Variants in PRKN observed in about 807,000 individuals in gnomAD.
PRKN encodes parkin RBR E3 ubiquitin protein ligase.
PRKN carries 56 observed loss-of-function variants against 59.5 expected under a neutral mutation model. The ratio of observed to expected loss-of-function variants is 0.94; its 90% CI spans 0.76 to 1.18. PRKN has a LOEUF of 1.18. Among genes scored for constraint, PRKN ranks in the 50% most tolerant of loss-of-function variants. The probability of loss-of-function intolerance (pLI) is 0.00; values close to 1 mark genes in which losing one functional copy is unlikely to be tolerated. For missense variants in PRKN, 657 were observed against 596.4 expected (o/e 1.10, Z -1.06); for synonymous variants, 250 against 222.1 (o/e 1.13, Z -1.12).
chr6:162,667,598 T>TC (rs1779149043), intron 1 of PRKN, among the ~76,000 whole-genome samples: 1 of 152,150 alleles, frequency 6.6e-6, no homozygotes. Flanking sequence ...ATGGTAAGTA[T>TC]ATTGGTGTCC....
In PRKN at chr6:161,364,390, G is replaced by A. The variant is rs77575099; in HGVS notation, c.1168-4185C>T. On this transcript the variant is annotated intron_variant, in intron 10 of 11. Transcript: ENST00000366898. The stretch of plus-strand genomic sequence containing the variant: ...AGGAGAATCATTTGAACCGGGAGGC[G>A]GAGGTTGCAGTGAGCCGAGATCATA... Among the ~76,000 whole-genome samples the A allele has an allele frequency of 2.2e-4, 29 of 134,152 alleles. 1 individual carries two copies. The highest frequency in any genetic ancestry group is 2.1e-3 in the East Asian group (10 of 4,776). 88.0% of individuals were successfully genotyped at this position (134,152 alleles called of 152,430 possible).
chr6:161,662,966 T>C (rs1784600553), intron 7 of PRKN, among the ~76,000 whole-genome samples: 1 of 152,120 alleles, frequency 6.6e-6, no homozygotes, highest in African/African-American at 2.4e-5. Context: ...AGAAATCCGG[T>C]AGGAGGTAAG....
At position 161,488,807 on chromosome 6, in the gene PRKN, A is replaced by T. The variant is rs1033307073; in HGVS notation, c.1083+60047T>A. On this transcript the variant is annotated intron_variant, in intron 9 of 11. Transcript: ENST00000366898. This position sits in a 1 kb window ranked among gnomAD's most constrained non-coding sequence, Gnocchi z 4.5. ...GCATAACAAGGAATTTTTGACAGTG[A>T]ATCTTGACTACTAAGAGACTAGGGG... Among the ~76,000 whole-genome samples, 1 of 152,162 alleles carries T rather than the reference A, an allele frequency of 6.6e-6. No individual in the cohort carries two copies. Among genetic ancestry groups the T allele is most frequent in the Non-Finnish European group, 1.5e-5 (1 of 68,032 alleles).
chr6:162,004,525 T>G (rs1271974714), intron 5 of PRKN, among the ~76,000 whole-genome samples: 1 of 152,226 alleles, frequency 6.6e-6, no homozygotes, highest in African/African-American at 2.4e-5. Context: ...TGCTTACTGC[T>G]TAATTATTTG....
intron 7 of PRKN, among the ~76,000 whole-genome samples, chr6:161,629,148 T>C (rs1212192997): frequency 6.6e-6 from 1 of 152,142 alleles, no homozygotes; most frequent in Non-Finnish European, 1.5e-5. Flanking sequence ...GGGATGCTCA[T>C]GCATCTGGGC....
At chr6:162,665,653 T>A (rs757958001) in intron 1 of PRKN, among the ~76,000 whole-genome samples, 1 of 152,170 alleles carries the variant, frequency 6.6e-6, no homozygotes, top group Non-Finnish European at 1.5e-5. Context: ...AAACTGCCAT[T>A]GACATTCTTC....
intron 2 of PRKN, among the ~76,000 whole-genome samples, chr6:162,385,489 T>C (rs1786753469): frequency 6.6e-6 from 1 of 152,208 alleles, no homozygotes; most frequent in Non-Finnish European, 1.5e-5. Flanking sequence ...ACTGCTCCCT[T>C]TGATATGTGC....
intron 6 of PRKN, among the ~76,000 whole-genome samples, chr6:161,815,614 T>A (rs1301656116): frequency 6.6e-6 from 1 of 152,136 alleles, no homozygotes; most frequent in Non-Finnish European, 1.5e-5. Flanking sequence ...CATGAGACAA[T>A]GTGGGACAAA....
At chr6:162,455,086 G>A (rs1440376849) in intron 1 of PRKN, among the ~76,000 whole-genome samples, 1 of 152,158 alleles carries the variant, frequency 6.6e-6, no homozygotes, top group Non-Finnish European at 1.5e-5. Context: ...CTACCCCTTG[G>A]TATTGCCAAA....
intron 4 of PRKN, among the ~76,000 whole-genome samples, chr6:162,054,783 G>A (rs1295166072): frequency 6.6e-6 from 1 of 152,220 alleles, no homozygotes; most frequent in Non-Finnish European, 1.5e-5. Context: ...TGAAATATCA[G>A]TGTCAATTAT....
intron 6 of PRKN, among the ~76,000 whole-genome samples, chr6:161,927,921 G>A (rs9347567): frequency 0.36 from 54,586 of 152,036 alleles, 10,130 homozygotes; most frequent in Middle Eastern, 0.52. Context: ...GGAAAAGAGT[G>A]AACAAGGATA....
At chr6:162,571,525 G>T (rs1276481083) in intron 1 of PRKN, among the ~76,000 whole-genome samples, 1 of 152,140 alleles carries the variant, frequency 6.6e-6, no homozygotes, top group East Asian at 1.9e-4. Flanking sequence ...ATTTGTGATT[G>T]GTTGAATGTA....
intron 1 of PRKN, among the ~76,000 whole-genome samples, chr6:162,522,751 A>G (rs907737535): frequency 2.6e-5 from 4 of 152,082 alleles, no homozygotes; most frequent in African/African-American, 4.8e-5. Context: ...CTGTTACACA[A>G]TAAATAGTCC....
chr6:161,944,123 C>CCAGCCTGAGGGAT (rs1401603564), intron 6 of PRKN, among the ~76,000 whole-genome samples: 6 of 122,610 alleles, frequency 4.9e-5, no homozygotes, highest in Admixed American at 4.1e-4. Context: ...GCCTGAGGGA[C>CCAGCCTGAGGGAT]CAGCCTGAGG....
At chr6:162,306,207 AC>A (rs1782215635) in intron 2 of PRKN, among the ~76,000 whole-genome samples, 1 of 152,190 alleles carries the variant, frequency 6.6e-6, no homozygotes, top group African/African-American at 2.4e-5. Context: ...AGTCTACATA[AC>A]AAAAGATGTA....
At chr6:162,099,289 A>G (rs1779870414) in intron 4 of PRKN, among the ~76,000 whole-genome samples, 1 of 152,204 alleles carries the variant, frequency 6.6e-6, no homozygotes, top group Admixed American at 6.5e-5. Context: ...ATTCTAAGGC[A>G]TATTTTTAAA....
intron 1 of PRKN, among the ~76,000 whole-genome samples, chr6:162,550,223 C>G (rs1779282984): frequency 6.6e-6 from 1 of 152,028 alleles, no homozygotes; most frequent in African/African-American, 2.4e-5. Context: ...GTAGCTTCGG[C>G]CTTTAGGTGG....
At chr6:162,376,677 C>A (rs905936036) in intron 2 of PRKN, among the ~76,000 whole-genome samples, 2 of 147,898 alleles carry the variant, frequency 1.4e-5, no homozygotes, top group Middle Eastern at 3.2e-3. Flanking sequence ...CAAAGTAGTG[C>A]CGAAACCAAG....
At chr6:161,492,762 G>T (rs1777607671) in intron 9 of PRKN, among the ~76,000 whole-genome samples, 1 of 152,156 alleles carries the variant, frequency 6.6e-6, no homozygotes, top group South Asian at 2.1e-4. Context: ...GTGAGAGAAA[G>T]AATATAATTT....
Sources: gnomAD v4.1 joint callset for allele counts (sites outside exome capture counted in the v4.1 genomes callset) on GRCh38, gnomAD v4.1.1 for gene constraint, Gnocchi (gnomAD v3.1) non-coding constraint, MANE v1.5 for transcripts, NCBI Gene and HGNC (gene_info 2026-07-23, HGNC 2026-07-21) for gene names.